Variants in B3GALT1 observed in about 807,000 individuals in gnomAD.
The protein encoded by B3GALT1 is beta-1,3-galactosyltransferase 1, also known as UDP-Gal:betaGlcNAc beta 1,3-galactosyltransferase, polypeptide 1.
Under a neutral mutation model 23.2 loss-of-function variants are expected in B3GALT1, and 10 were observed. The ratio of observed to expected loss-of-function variants is 0.43; its 90% CI spans 0.27 to 0.73. The LOEUF (loss-of-function observed/expected upper bound fraction) is 0.73. B3GALT1 is among the 30% of genes least tolerant of loss of function. The pLI, the probability that B3GALT1 is intolerant of heterozygous loss-of-function variation, is 0.21. For missense variants in B3GALT1, 299 were observed against 405.4 expected, an observed-to-expected ratio of 0.74 and a Z score of 2.25; for synonymous variants, 156 against 141.5, an observed-to-expected ratio of 1.10 and a Z score of -0.73.
intron 2 of B3GALT1, among the ~76,000 whole-genome samples, chr2:167,627,001 A>G (rs1363231065): frequency 1.3e-5 from 2 of 151,664 alleles, no homozygotes; most frequent in African/African-American, 4.8e-5. Flanking sequence ...TTTCATTAAT[A>G]TCTGCCTAGA....
At chr2:167,801,741 T>C (rs1428248783) in intron 3 of B3GALT1, among the ~76,000 whole-genome samples, 1 of 152,216 alleles carries the variant, frequency 6.6e-6, no homozygotes, top group Non-Finnish European at 1.5e-5. Flanking sequence ...CATGCCATAA[T>C]ACAACATGAC....
chr2:167,564,450 C>T (rs991915748), intron 2 of B3GALT1, among the ~76,000 whole-genome samples: 1 of 152,048 alleles, frequency 6.6e-6, no homozygotes, highest in Non-Finnish European at 1.5e-5. Flanking sequence ...TCCCCACCTC[C>T]CAGACGGGGT....
Position 167,369,565 on chromosome 2 carries a change from C to T in B3GALT1, c.-511+76231C>T, listed in dbSNP as rs149709807. Among the ~76,000 whole-genome samples the T allele has an allele frequency of 3.9e-5, 6 of 152,104 alleles. No individual in the cohort carries two copies. In the East Asian group the frequency reaches 1.2e-3, roughly 29 times the overall value. ...ACTCACTACCAAATCAACTGAGCTG[C>T]GAAATAGTTGAGTAAAAATATATAC... On this transcript the variant is annotated intron_variant, in intron 1 of 4. Coordinates refer to ENST00000392690, the MANE Select transcript of B3GALT1 (RefSeq NM_020981.4).
intron 2 of B3GALT1, among the ~76,000 whole-genome samples, chr2:167,600,490 C>T (rs1210008460): frequency 6.6e-6 from 1 of 152,184 alleles, no homozygotes; most frequent in African/African-American, 2.4e-5. Context: ...ATTATCATCA[C>T]CTCAAAAAAG....
chr2:167,340,334 AACAG>A (rs1486840047), intron 1 of B3GALT1, among the ~76,000 whole-genome samples: 138 of 150,618 alleles, frequency 9.2e-4, no homozygotes, highest in African/African-American at 3.3e-3. Flanking sequence ...AAAAAAAAAA[AACAG>A]AGCTTTTGGC....
At chr2:167,683,010 TAGA>T (rs758154214) in intron 3 of B3GALT1, among the ~76,000 whole-genome samples, 9 of 152,142 alleles carry the variant, frequency 5.9e-5, no homozygotes, top group Non-Finnish European at 1.0e-4. Context: ...TGGTTACCCT[TAGA>T]GGAGGAAATT....
At chr2:167,528,703 G>A (rs139595700) in intron 2 of B3GALT1, among the ~76,000 whole-genome samples, 2 of 152,256 alleles carry the variant, frequency 1.3e-5, no homozygotes, top group East Asian at 3.9e-4. Context: ...TTCTTCTCTT[G>A]TTAATGCAGG....
chr2:167,542,748 G>A (rs1683553458), intron 2 of B3GALT1, among the ~76,000 whole-genome samples: 1 of 151,588 alleles, frequency 6.6e-6, no homozygotes, highest in East Asian at 1.9e-4. Context: ...TACATAGAAT[G>A]GGCAGAATCT....
intron 1 of B3GALT1, among the ~76,000 whole-genome samples, chr2:167,451,517 G>A (rs1394127590): frequency 6.6e-6 from 1 of 152,166 alleles, no homozygotes; most frequent in Non-Finnish European, 1.5e-5. Flanking sequence ...GGTACTGGGG[G>A]TTGTCTGCAC....
At chr2:167,634,075 C>G (rs897103931) in intron 2 of B3GALT1, among the ~76,000 whole-genome samples, 17 of 152,234 alleles carry the variant, frequency 1.1e-4, no homozygotes, top group African/African-American at 4.1e-4. Context: ...GGAAACTGAA[C>G]AACCTGCTCC....
At chr2:167,389,667 GC>G (rs1697985347) in intron 1 of B3GALT1, among the ~76,000 whole-genome samples, 1 of 152,074 alleles carries the variant, frequency 6.6e-6, no homozygotes, top group Admixed American at 6.5e-5. Flanking sequence ...TTGTTTATTT[GC>G]CAGAGGACCC....
intron 3 of B3GALT1, chr2:167,715,774 G>A: frequency 6.2e-7 from 1 of 1,613,242 alleles, no homozygotes; most frequent in Non-Finnish European, 8.5e-7. Flanking sequence ...TTGGAATAAG[G>A]CTAAATTTTT....
intron 1 of B3GALT1, among the ~76,000 whole-genome samples, chr2:167,398,126 T>C (rs138622495): frequency 2.0e-5 from 3 of 152,248 alleles, no homozygotes; most frequent in Non-Finnish European, 4.4e-5. Flanking sequence ...ATATAAATGC[T>C]TTATTCTTTA....
chr2:167,640,286 T>G (rs1685627715), intron 2 of B3GALT1, among the ~76,000 whole-genome samples: 1 of 152,088 alleles, frequency 6.6e-6, no homozygotes. Context: ...GTGTAACACA[T>G]TGTTCACCTT....
intron 4 of B3GALT1, among the ~76,000 whole-genome samples, chr2:167,848,850 G>A (rs1245329963): frequency 6.6e-6 from 1 of 152,094 alleles, no homozygotes; most frequent in African/African-American, 2.4e-5. Context: ...AAACCCTAAC[G>A]ACTCCTCCAG....
intron 4 of B3GALT1, among the ~76,000 whole-genome samples, chr2:167,825,510 T>C: frequency 6.7e-6 from 1 of 148,834 alleles, no homozygotes; most frequent in Non-Finnish European, 1.5e-5. Flanking sequence ...ATAAATTATA[T>C]ATACATATAT....
chr2:167,715,379 G>C (rs2105522279), intron 3 of B3GALT1: 3 of 1,613,718 alleles, frequency 1.9e-6, no homozygotes, highest in Non-Finnish European at 2.5e-6. Context: ...CCATACTTCA[G>C]CTTCTCGCAA....
intron 1 of B3GALT1, among the ~76,000 whole-genome samples, chr2:167,355,421 A>G (rs950491690): frequency 2.6e-5 from 4 of 152,210 alleles, no homozygotes; most frequent in African/African-American, 9.6e-5. Context: ...ATCCCAACTT[A>G]TACAGTTGAA....
At chr2:167,607,914 C>G (rs1479967025) in intron 2 of B3GALT1, among the ~76,000 whole-genome samples, 3 of 152,076 alleles carry the variant, frequency 2.0e-5, no homozygotes, top group African/African-American at 4.8e-5. Flanking sequence ...AATGTGTTAG[C>G]AGAAAAAGAC....
Sources: gnomAD v4.1 joint callset for allele counts (sites outside exome capture counted in the v4.1 genomes callset) on GRCh38, gnomAD v4.1.1 for gene constraint, MANE v1.5 for transcripts, NCBI Gene and HGNC (gene_info 2026-07-23, HGNC 2026-07-21) for gene names.